LHFPL2: variants seen among roughly 807,000 people sequenced by gnomAD.
LHFPL2 encodes the protein LHFPL tetraspan subfamily member 2 protein.
LHFPL2 carries 7 observed loss-of-function variants against 17.5 expected under a neutral mutation model. The ratio of observed to expected loss-of-function variants is 0.40; its 90% CI spans 0.23 to 0.75. The LOEUF is 0.75. Among genes scored for constraint, LHFPL2 ranks in the 30% least tolerant of loss-of-function variants. The pLI, the probability that LHFPL2 is intolerant of heterozygous loss-of-function variation, is 0.37. For missense variants in LHFPL2, 241 were observed against 294.8 expected, an observed-to-expected ratio of 0.82 and a Z score of 1.34; for synonymous variants, 134 against 116.2, an observed-to-expected ratio of 1.15 and a Z score of -0.99.
At chr5:78,572,222 G>A (rs562881030) in intron 2 of LHFPL2, among the ~76,000 whole-genome samples, 39 of 152,136 alleles carry the variant, frequency 2.6e-4, no homozygotes, top group Non-Finnish European at 5.4e-4. Context: ...TCCTATGACT[G>A]AAGTCATATG....
At chr5:78,509,701 A>T in intron 4 of LHFPL2, 83 bp downstream of exon 4, 2 of 1,376,340 alleles carry the variant, frequency 1.5e-6, no homozygotes, top group Non-Finnish European at 2.0e-6. Context: ...ACTAGCAGGA[A>T]GCGAATGCCC....
At chr5:78,490,151 ACTACCTTGTCATTT>A (rs1457843267) in intron 4 of LHFPL2, among the ~76,000 whole-genome samples, 1 of 152,230 alleles carries the variant, frequency 6.6e-6, no homozygotes, top group Non-Finnish European at 1.5e-5. Context: ...TGCTGACCCT[ACTACCTTGTCATTT>A]TAAACACCTA....
chr5:78,588,498 G>T (rs1205737661), intron 2 of LHFPL2, among the ~76,000 whole-genome samples: 1 of 151,976 alleles, frequency 6.6e-6, no homozygotes, highest in Non-Finnish European at 1.5e-5. Flanking sequence ...CCTCCATCTG[G>T]GTACCTTAGT....
At chr5:78,519,497 C>T (rs1755386099) in intron 3 of LHFPL2, among the ~76,000 whole-genome samples, 1 of 152,178 alleles carries the variant, frequency 6.6e-6, no homozygotes, top group South Asian at 2.1e-4. Context: ...GGGCAATGAG[C>T]TCATCCAGAA....
intron 1 of LHFPL2, among the ~76,000 whole-genome samples, chr5:78,633,730 C>G (rs1745331764): frequency 6.6e-6 from 1 of 152,246 alleles, no homozygotes; most frequent in African/African-American, 2.4e-5. Context: ...GGGGACTGAG[C>G]CACCTTCAGG....
chr5:78,612,468 C>A (rs865984411), intron 2 of LHFPL2, among the ~76,000 whole-genome samples: 1 of 152,198 alleles, frequency 6.6e-6, no homozygotes. Context: ...TTACAAATAT[C>A]ATCCTCAAAA....
chr5:78,617,271 C>A (rs1744654934), intron 2 of LHFPL2, among the ~76,000 whole-genome samples: 1 of 152,120 alleles, frequency 6.6e-6, no homozygotes, highest in South Asian at 2.1e-4. Context: ...CTTAGGTGAT[C>A]CACCCACCTC....
intron 1 of LHFPL2, among the ~76,000 whole-genome samples, chr5:78,635,395 G>A (rs1745400517): frequency 6.6e-6 from 1 of 152,160 alleles, no homozygotes; most frequent in Non-Finnish European, 1.5e-5. Flanking sequence ...TCTTCCCCCA[G>A]GGAAAAGGGA....
intron 3 of LHFPL2, among the ~76,000 whole-genome samples, chr5:78,532,099 TTTTTAG>T (rs1397822943): frequency 6.6e-6 from 1 of 152,126 alleles, no homozygotes; most frequent in Non-Finnish European, 1.5e-5. Flanking sequence ...TAATTTTGTA[TTTTTAG>T]TAGAAATGGG....
intron 2 of LHFPL2, among the ~76,000 whole-genome samples, chr5:78,629,648 TGGTTCCCAGGCATTTCAGCAATAAA>T (rs1343901713): frequency 3.3e-5 from 5 of 152,254 alleles, no homozygotes; most frequent in African/African-American, 1.2e-4. Context: ...TACTAATACC[TGGTTCCCAGGCATTTCAGCAATAAA>T]GGAAACTGCG....
At chr5:78,557,581 G>C (rs1561338124) in intron 3 of LHFPL2, among the ~76,000 whole-genome samples, 1 of 152,214 alleles carries the variant, frequency 6.6e-6, no homozygotes. Flanking sequence ...TTCCTAACAT[G>C]ACCCTGAGTC....
chr5:78,609,604 AAC>A (rs1355909684), intron 2 of LHFPL2, among the ~76,000 whole-genome samples: 2 of 152,100 alleles, frequency 1.3e-5, no homozygotes, highest in South Asian at 2.1e-4. Context: ...AAGAAAAGAA[AAC>A]AGTGTTTTCT....
chr5:78,633,680 A>G (rs2112516706), intron 1 of LHFPL2, among the ~76,000 whole-genome samples: 1 of 152,340 alleles, frequency 6.6e-6, no homozygotes, highest in South Asian at 2.1e-4. Context: ...GCTGGTTTTT[A>G]CGCATGGCAC....
At chr5:78,617,436 G>C (rs570599738) in intron 2 of LHFPL2, among the ~76,000 whole-genome samples, 2 of 152,286 alleles carry the variant, frequency 1.3e-5, no homozygotes, top group East Asian at 3.9e-4. Context: ...ACTCTCACCA[G>C]CTCAGCCTAA....
chr5:78,638,341 G>C (rs576836784), intron 1 of LHFPL2, among the ~76,000 whole-genome samples: 1 of 152,226 alleles, frequency 6.6e-6, no homozygotes, highest in South Asian at 2.1e-4. Context: ...GTGACAGAGC[G>C]AGACACCGTC....
At chr5:78,511,740 C>T (rs569562386) in intron 3 of LHFPL2, among the ~76,000 whole-genome samples, 1 of 152,348 alleles carries the variant, frequency 6.6e-6, no homozygotes, top group African/African-American at 2.4e-5. Flanking sequence ...GAGCATGTGA[C>T]TCTACCCATC....
chr5:78,518,442 A>G (rs1188336422), intron 3 of LHFPL2, among the ~76,000 whole-genome samples: 1 of 152,222 alleles, frequency 6.6e-6, no homozygotes, highest in African/African-American at 2.4e-5. Context: ...TACTTTCTCC[A>G]TTTATTAACT....
intron 2 of LHFPL2, among the ~76,000 whole-genome samples, chr5:78,615,444 A>C (rs1003779426): frequency 6.6e-6 from 1 of 152,220 alleles, no homozygotes; most frequent in African/African-American, 2.4e-5. Context: ...TAATTAGACT[A>C]AAAACAATCC....
chr5:78,549,301 C>A (rs1756373640), intron 3 of LHFPL2: 1 of 152,252 alleles, frequency 6.6e-6, no homozygotes, highest in African/African-American at 2.4e-5. Context: ...CCCTTTGAGG[C>A]TGAGACTCTA....
Sources: gnomAD v4.1 joint callset for allele counts (sites outside exome capture counted in the v4.1 genomes callset) on GRCh38, gnomAD v4.1.1 for gene constraint, MANE v1.5 for transcripts, NCBI Gene and HGNC (gene_info 2026-07-23, HGNC 2026-07-21) for gene names.